Variants in STX8 observed in about 807,000 individuals in gnomAD.
The protein encoded by STX8 is syntaxin-8.
In STX8, 23 loss-of-function variants were observed where a neutral mutation model predicts 37.5. That is an observed-to-expected ratio of 0.61 (90% CI 0.44 to 0.87). The LOEUF (loss-of-function observed/expected upper bound fraction) is 0.87, where lower values mean the gene tolerates loss of function less well. STX8 is among the 40% of genes least tolerant of loss of function. The pLI is 0.00. For synonymous variants in STX8, 115 were observed against 99.1 expected (o/e 1.16, Z -0.95); for missense variants, 313 against 284.7 (o/e 1.10, Z -0.71).
intron 7 of STX8, among the ~76,000 whole-genome samples, chr17:9,266,602 T>C (rs1287346388): frequency 1.3e-5 from 2 of 152,014 alleles, no homozygotes; most frequent in Non-Finnish European, 2.9e-5. Flanking sequence ...AGAATTCAGG[T>C]AAATGCATTT....
Position 9,254,150 on chromosome 17 carries a change from C to A in STX8, c.644-3505G>T, listed in dbSNP as rs138036082. Reference sequence around the variant, plus strand: ...GGGGGTCTTGCACAGTCTGACCCAGCAACCCTGCAGCCGCACTCTGCGCGC... The same window carrying A: ...GGGGGTCTTGCACAGTCTGACCCAGAAACCCTGCAGCCGCACTCTGCGCGC... On this transcript the variant is annotated intron_variant, in intron 7 of 7. Coordinates refer to ENST00000306357, the MANE Select transcript of STX8 (RefSeq NM_004853.3). 2.5e-3 allele frequency among the ~76,000 whole-genome samples: 381 copies of A among 152,322 alleles called. 4 individuals carry two copies. Among genetic ancestry groups the A allele is most frequent in the African/African-American group, 8.8e-3 (365 of 41,574 alleles).
intron 6 of STX8, among the ~76,000 whole-genome samples, chr17:9,428,817 T>G (rs1913737885): frequency 6.6e-6 from 1 of 152,204 alleles, no homozygotes; most frequent in South Asian, 2.1e-4. Flanking sequence ...CAGTACATCT[T>G]AATTCAGACT....
chr17:9,385,725 A>C (rs1597639114), intron 6 of STX8, among the ~76,000 whole-genome samples: 1 of 152,300 alleles, frequency 6.6e-6, no homozygotes, highest in South Asian at 2.1e-4. Flanking sequence ...TCATCAAGTT[A>C]ACCATATATC....
At chr17:9,546,973 A>G (rs1031726579) in intron 3 of STX8, among the ~76,000 whole-genome samples, 1 of 150,374 alleles carries the variant, frequency 6.7e-6, no homozygotes, top group Non-Finnish European at 1.5e-5. Flanking sequence ...GAAGGGCTGG[A>G]CGCGGTGGCT....
chr17:9,334,456 A>T (rs1910075335), intron 7 of STX8, among the ~76,000 whole-genome samples: 1 of 152,122 alleles, frequency 6.6e-6, no homozygotes, highest in African/African-American at 2.4e-5. Flanking sequence ...TTCAGCCTAA[A>T]CCCAGGAATG....
chr17:9,487,345 C>A (rs533750844), intron 6 of STX8, among the ~76,000 whole-genome samples: 2 of 152,244 alleles, frequency 1.3e-5, no homozygotes, highest in South Asian at 4.2e-4. Context: ...CAATGTGCTG[C>A]CCTTTTCCAG....
chr17:9,422,624 T>C (rs1913481937), intron 6 of STX8, among the ~76,000 whole-genome samples: 2 of 152,268 alleles, frequency 1.3e-5, no homozygotes, highest in African/African-American at 4.8e-5. Flanking sequence ...CATGTGTCAG[T>C]ATTCATTCCT....
intron 6 of STX8, among the ~76,000 whole-genome samples, chr17:9,489,727 C>T (rs575254299): frequency 1.0e-4 from 14 of 138,110 alleles, no homozygotes; most frequent in Admixed American, 2.3e-4. Flanking sequence ...GTCACTCTAT[C>T]GCCCAGGCTG....
intron 7 of STX8, among the ~76,000 whole-genome samples, chr17:9,358,576 G>C (rs532360282): frequency 1.3e-5 from 2 of 152,160 alleles, no homozygotes; most frequent in African/African-American, 4.8e-5. Context: ...CCTGTGCTCC[G>C]TTATCTTCTA....
intron 7 of STX8, among the ~76,000 whole-genome samples, chr17:9,256,657 C>T (rs1298510820): frequency 5.9e-5 from 9 of 152,212 alleles, no homozygotes; most frequent in Non-Finnish European, 1.3e-4. Flanking sequence ...CACACACTCC[C>T]CCACTACCCA....
At chr17:9,502,984 T>C (rs1597712541) in intron 5 of STX8, among the ~76,000 whole-genome samples, 1 of 151,008 alleles carries the variant, frequency 6.6e-6, no homozygotes, top group South Asian at 2.1e-4. Flanking sequence ...CGGGCGCCCG[T>C]AATCCCAGCC....
intron 5 of STX8, among the ~76,000 whole-genome samples, chr17:9,499,783 C>T (rs1904546678): frequency 1.3e-5 from 2 of 152,192 alleles, no homozygotes; most frequent in African/African-American, 4.8e-5. Flanking sequence ...GCAAACTCCA[C>T]CCACACCCCA....
chr17:9,350,682 G>A (rs542982517), intron 7 of STX8, among the ~76,000 whole-genome samples: 188 of 152,118 alleles, frequency 1.2e-3, no homozygotes, highest in African/African-American at 4.4e-3. Flanking sequence ...ACAGGTGCCC[G>A]CCACCACACC....
chr17:9,468,590 C>G (rs1056276712), intron 6 of STX8, among the ~76,000 whole-genome samples: 1 of 152,200 alleles, frequency 6.6e-6, no homozygotes, highest in African/African-American at 2.4e-5. Flanking sequence ...CCACGTGTGG[C>G]AGGCACAGAG....
chr17:9,289,157 G>A (rs942959493), intron 7 of STX8, among the ~76,000 whole-genome samples: 11 of 152,106 alleles, frequency 7.2e-5, no homozygotes, highest in South Asian at 2.1e-4. Context: ...AATTGTTTCC[G>A]GCCTAAAATT....
chr17:9,376,400 C>T (rs1911587367), intron 7 of STX8, among the ~76,000 whole-genome samples: 1 of 152,102 alleles, frequency 6.6e-6, no homozygotes, highest in Non-Finnish European at 1.5e-5. Flanking sequence ...CACCAATCAG[C>T]ACTCTGTAAA....
intron 2 of STX8, among the ~76,000 whole-genome samples, chr17:9,566,471 T>C (rs9890870): frequency 0.034 from 5,150 of 152,274 alleles, 299 homozygotes; most frequent in African/African-American, 0.12. Flanking sequence ...CCCGAAGGAA[T>C]AGAAATCATT....
chr17:9,341,241 G>A (rs867720736), intron 7 of STX8, among the ~76,000 whole-genome samples: 4 of 151,988 alleles, frequency 2.6e-5, no homozygotes, highest in Non-Finnish European at 5.9e-5. Context: ...TCTTGAGAGG[G>A]ATGCTCTCTG....
chr17:9,338,146 C>T (rs549147520), intron 7 of STX8, among the ~76,000 whole-genome samples: 8 of 151,118 alleles, frequency 5.3e-5, no homozygotes, highest in Admixed American at 4.6e-4. Context: ...CTCCGCCTCC[C>T]GGGTTCAAAT....
Sources: gnomAD v4.1 joint callset for allele counts (sites outside exome capture counted in the v4.1 genomes callset) on GRCh38, gnomAD v4.1.1 for gene constraint, MANE v1.5 for transcripts, NCBI Gene and HGNC (gene_info 2026-07-23, HGNC 2026-07-21) for gene names.